ERO1A: variants seen among roughly 807,000 people sequenced by gnomAD.
ERO1A encodes ERO1-like protein alpha.
A neutral mutation model predicts 76.9 loss-of-function variants in ERO1A; 49 were observed. The ratio of observed to expected loss-of-function variants is 0.64; its 90% CI spans 0.51 to 0.81. ERO1A has a LOEUF of 0.81. Ranked by LOEUF, ERO1A falls within the 30% of genes least tolerant of loss-of-function variation. ERO1A has a pLI of 0.00. For synonymous variants in ERO1A, 174 were observed against 181.2 expected (o/e 0.96, Z 0.32); for missense variants, 448 against 542.1 (o/e 0.83, Z 1.72).
intron 13 of ERO1A, among the ~76,000 whole-genome samples, chr14:52,650,798 G>A (rs2039834772): frequency 6.6e-6 from 1 of 152,078 alleles, no homozygotes; most frequent in Non-Finnish European, 1.5e-5. Context: ...AAATCTTCCT[G>A]GTAATGTTTG....
intron 4 of ERO1A, among the ~76,000 whole-genome samples, chr14:52,677,446 TA>T (rs1471446863): frequency 6.6e-6 from 1 of 152,090 alleles, no homozygotes; most frequent in Non-Finnish European, 1.5e-5. Flanking sequence ...AAAAACACCT[TA>T]TCAGAAACAA....
intron 13 of ERO1A, 103 bp from the exon 14 acceptor site, chr14:52,646,564 G>T: frequency 1.3e-6 from 1 of 790,212 alleles, no homozygotes; most frequent in South Asian, 1.8e-5. Flanking sequence ...AAGGTACTAT[G>T]GGGTACCAAA....
At chr14:52,675,291 G>C (rs1254974167) in intron 4 of ERO1A, among the ~76,000 whole-genome samples, 2 of 152,006 alleles carry the variant, frequency 1.3e-5, no homozygotes, top group African/African-American at 4.8e-5. Context: ...GCTGAGGCAG[G>C]AGAATTGCTT....
At chr14:52,688,943 A>G (rs2041266030) in intron 1 of ERO1A, among the ~76,000 whole-genome samples, 1 of 152,228 alleles carries the variant, frequency 6.6e-6, no homozygotes, top group Non-Finnish European at 1.5e-5. Context: ...AAAGCACTAT[A>G]AGAATATATT....
In ERO1A at chr14:52,661,293, CT is replaced by C; in HGVS notation, c.687del (p.Glu230ArgfsTer8). ...NPLASGQGTSEENTFYSWLEG... is the reference protein window; with the variant it reads ...NPLASGQGTSXENTFYSWLEG... ...GTAATATATAATAAATTATACTTACCTTCACTTGTCCCTGAAAAGCAAAACA... is the reference window on the plus strand; with the variant it reads ...GTAATATATAATAAATTATACTTACCTCACTTGTCCCTGAAAAGCAAAACA... On this transcript the variant is annotated frameshift_variant and splice_region_variant, in exon 9 of 16. Transcript: ENST00000395686. LOFTEE classifies it high-confidence loss of function. 1 of 1,318,282 alleles carries C rather than the reference CT, an allele frequency of 7.6e-7. No homozygotes were observed. The highest frequency in any genetic ancestry group is 1.0e-6 in the Non-Finnish European group (1 of 979,198). The allele number at this position is 1,318,282 out of a possible 1,614,324, so 81.7% of individuals were successfully genotyped here.
At chr14:52,668,734 T>C (rs2040497998) in intron 6 of ERO1A, among the ~76,000 whole-genome samples, 1 of 149,002 alleles carries the variant, frequency 6.7e-6, no homozygotes, top group Non-Finnish European at 1.5e-5. Context: ...TTATAAAAAA[T>C]AAATATTACT....
chr14:52,657,317 T>A (rs10132827), intron 11 of ERO1A, among the ~76,000 whole-genome samples: 150,504 of 152,340 alleles, frequency 0.99, 74,350 homozygotes, highest in East Asian at 1. Flanking sequence ...CAAAGCCAAG[T>A]GCCCTCCCAG....
In ERO1A at chr14:52,642,894, A is replaced by T. The variant is rs2039523295; in HGVS notation, c.*676T>A. ...GAGTTGTTATTGTACGTTTCTACAC[A>T]CAAAAACAACCCAATCAAAATAGCA... On this transcript the variant is annotated 3_prime_UTR_variant, in exon 16 of 16. Coordinates refer to ENST00000395686, the MANE Select transcript of ERO1A (RefSeq NM_014584.3). 6.6e-6 allele frequency: 1 copy of T among 152,618 alleles called. No homozygotes were observed. The highest frequency in any genetic ancestry group is 2.4e-5 in the African/African-American group (1 of 41,462). 9.5% of individuals were successfully genotyped at this position (152,618 alleles called of 1,614,324 possible).
chr14:52,670,726 C>T (rs2139711129), intron 6 of ERO1A, among the ~76,000 whole-genome samples: 1 of 152,164 alleles, frequency 6.6e-6, no homozygotes, highest in South Asian at 2.1e-4. Context: ...TTTTGTAATC[C>T]CTAAATTTTA....
At chr14:52,659,218 T>C (rs547679056) in intron 9 of ERO1A, among the ~76,000 whole-genome samples, 8 of 152,016 alleles carry the variant, frequency 5.3e-5, no homozygotes, top group Non-Finnish European at 4.4e-5. Flanking sequence ...TAATATGAAT[T>C]TAAAAATTCA....
chr14:52,689,044 C>T (rs567302813), intron 1 of ERO1A, among the ~76,000 whole-genome samples: 8 of 152,128 alleles, frequency 5.3e-5, no homozygotes, highest in Non-Finnish European at 1.0e-4. Context: ...CAACCTCTGC[C>T]TCCCAGGTGC....
Position 52,695,547 on chromosome 14 carries a change from G to A in ERO1A, c.-66C>T. The A allele has an allele frequency of 4.1e-6, 5 of 1,228,548 alleles. No homozygotes were observed. Among genetic ancestry groups the A allele is most frequent in the Non-Finnish European group, 5.4e-6 (5 of 923,106 alleles). 76.1% of individuals were successfully genotyped at this position (1,228,548 alleles called of 1,614,324 possible). ...GTCCGCACGCTCGGTCGCGGGCCGTGCGCCCTCAGATGAAGCCCGTGCGGG... is the reference window on the plus strand; with the variant it reads ...GTCCGCACGCTCGGTCGCGGGCCGTACGCCCTCAGATGAAGCCCGTGCGGG... On this transcript the variant is annotated 5_prime_UTR_variant, in exon 1 of 16. Transcript: ENST00000395686.
intron 11 of ERO1A, among the ~76,000 whole-genome samples, chr14:52,655,666 A>G (rs1184529708): frequency 1.3e-5 from 2 of 150,136 alleles, no homozygotes. Flanking sequence ...TTTTTTTTTT[A>G]GTGGGTGAAG....
intron 4 of ERO1A, among the ~76,000 whole-genome samples, chr14:52,674,476 C>G (rs919830711): frequency 6.6e-6 from 1 of 152,192 alleles, no homozygotes; most frequent in Non-Finnish European, 1.5e-5. Context: ...TGGGATTACA[C>G]AGGCATGAGC....
rs190271179 is a variant in ERO1A, at chr14:52,643,261, G to A, written c.*309C>T. 202 of 181,906 alleles carry A rather than the reference G, an allele frequency of 1.1e-3. 1 individual carries two copies. Among genetic ancestry groups the A allele is most frequent in the African/African-American group, 4.6e-3 (196 of 42,846 alleles). The allele number at this position is 181,906 out of a possible 1,614,324, so 11.3% of individuals were successfully genotyped here. ...TATATTACATATTATTACATAAAACGCTAGTTTGAGAGACTTAGAACATTC... is the reference window on the plus strand; with the variant it reads ...TATATTACATATTATTACATAAAACACTAGTTTGAGAGACTTAGAACATTC... On this transcript the variant is annotated 3_prime_UTR_variant, in exon 16 of 16. Coordinates refer to ENST00000395686, the MANE Select transcript of ERO1A (RefSeq NM_014584.3).
chr14:52,653,280 T>C lies in ERO1A; in HGVS notation c.844A>G (p.Thr282Ala). ...WLEKKWGHNI[T>A]EFQQRFDGIL... ...CCATCAAATCGCTGTTGAAATTCTG[T>C]AATGTTGTGTCCCCATTTCTTTTCT... is the stretch of plus-strand genomic sequence containing the variant. The change falls in exon 12 of 16, where the codon ACA becomes GCA. Residue 282 changes from threonine (T) to alanine (A), a missense_variant. Thr to Ala is a moderately conservative substitution (Grantham distance 58). Coordinates refer to ENST00000395686, the MANE Select transcript of ERO1A (RefSeq NM_014584.3). The C allele has an allele frequency of 2.5e-6, 4 of 1,611,800 alleles. No homozygotes were observed. The highest frequency in any genetic ancestry group is 3.4e-6 in the Non-Finnish European group (4 of 1,178,640).
intron 8 of ERO1A, among the ~76,000 whole-genome samples, chr14:52,663,599 C>CA (rs771884796): frequency 0.017 from 1,885 of 108,328 alleles, 24 homozygotes; most frequent in African/African-American, 0.045. Flanking sequence ...GACTCCATCT[C>CA]AAAAAAAAAA....
rs71267893 is a variant in ERO1A at position 52,677,864 on chromosome 14, T to TAAAA, written c.357+566_357+569dup. Among the ~76,000 whole-genome samples the TAAAA allele has an allele frequency of 4.6e-3, 404 of 87,128 alleles. 6 individuals are homozygous for TAAAA. Among genetic ancestry groups the TAAAA allele is most frequent in the Non-Finnish European group, 7.0e-3 (328 of 47,110 alleles). The allele number at this position is 87,128 out of a possible 152,430, so 57.2% of individuals were successfully genotyped here. A position where few individuals can be genotyped will look rare whatever the true frequency, so the allele number is the denominator to read the frequency against. Reference sequence around the variant, plus strand: ...GACAACAGAGCCAGACCTTTTATCTTAAAAAAAAAAAAAAAAAAAAAAAAA... The same window carrying TAAAA: ...GACAACAGAGCCAGACCTTTTATCTTAAAAAAAAAAAAAAAAAAAAAAAAAAAAA... On this transcript the variant is annotated intron_variant, in intron 4 of 15. Transcript: ENST00000395686.
intron 9 of ERO1A, among the ~76,000 whole-genome samples, chr14:52,658,756 T>A (rs1055925074): frequency 6.6e-6 from 1 of 152,124 alleles, no homozygotes; most frequent in Non-Finnish European, 1.5e-5. Flanking sequence ...TAGAACACTA[T>A]CTAACTAGTG....
Sources: allele counts gnomAD v4.1 joint callset (sites outside exome capture counted in the v4.1 genomes callset), GRCh38; gene constraint gnomAD v4.1.1; transcripts MANE v1.5; gene names NCBI Gene and HGNC (gene_info 2026-07-23, HGNC 2026-07-21).